Variants in ZNF407 observed in about 807,000 individuals in gnomAD.
ZNF407 encodes zinc finger protein 407.
A neutral mutation model predicts 131.2 loss-of-function variants in ZNF407; 17 were observed. The ratio of observed to expected loss-of-function variants is 0.13; its 90% confidence interval spans 0.09 to 0.19. The LOEUF (loss-of-function observed/expected upper bound fraction) is 0.19. Among genes scored for constraint, ZNF407 ranks in the 10% least tolerant of loss-of-function variants. ZNF407 has a pLI of 1.00. For missense variants in ZNF407, 2,681 were observed against 2,830.6 expected (o/e 0.95, Z 1.20); for synonymous variants, 1,156 against 1,062.0 (o/e 1.09, Z -1.72).
intron 3 of ZNF407, among the ~76,000 whole-genome samples, chr18:74,772,914 T>C (rs1165864461): frequency 6.6e-6 from 1 of 152,084 alleles, no homozygotes; most frequent in Non-Finnish European, 1.5e-5. Context: ...GAAGAAACAA[T>C]TGATGATGTA....
At chr18:74,917,909 A>T (rs1467548241) in intron 7 of ZNF407, among the ~76,000 whole-genome samples, 1 of 152,232 alleles carries the variant, frequency 6.6e-6, no homozygotes, top group South Asian at 2.1e-4. Flanking sequence ...GTACAGTAGT[A>T]GCTTTTTGTT....
At chr18:75,028,761 C>T (rs1599301591) in intron 8 of ZNF407, among the ~76,000 whole-genome samples, 1 of 152,140 alleles carries the variant, frequency 6.6e-6, no homozygotes, top group East Asian at 1.9e-4. Flanking sequence ...TCTGTGCCTT[C>T]GAGGGTGTAT....
chr18:75,060,253 A>G (rs1973610425), intron 8 of ZNF407: 1 of 152,224 alleles, frequency 6.6e-6, no homozygotes, highest in African/African-American at 2.4e-5. Flanking sequence ...TAATTAGGGA[A>G]TTTGTTAAGC....
chr18:74,931,850 G>C (rs1971986274), intron 8 of ZNF407, among the ~76,000 whole-genome samples: 1 of 152,150 alleles, frequency 6.6e-6, no homozygotes, highest in African/African-American at 2.4e-5. Flanking sequence ...CTTTGATGAA[G>C]TGTCTTTTGA....
chr18:75,030,834 A>C (rs1223021059), intron 8 of ZNF407, among the ~76,000 whole-genome samples: 1 of 151,948 alleles, frequency 6.6e-6, no homozygotes, highest in Non-Finnish European at 1.5e-5. Flanking sequence ...AGATTTTACC[A>C]CCCTCTCCAT....
intron 7 of ZNF407, among the ~76,000 whole-genome samples, chr18:74,903,715 CA>C (rs1971559524): frequency 6.6e-6 from 1 of 152,008 alleles, no homozygotes; most frequent in African/African-American, 2.4e-5. Context: ...TTCAGAGTGG[CA>C]AGATAAAAAT....
intron 4 of ZNF407, among the ~76,000 whole-genome samples, chr18:74,820,692 G>A (rs1970328306): frequency 6.6e-6 from 1 of 152,138 alleles, no homozygotes; most frequent in Non-Finnish European, 1.5e-5. Context: ...TAGGTTGCAG[G>A]GCTTGACCTG....
chr18:74,624,793 T>C (rs1227572923), intron 1 of ZNF407, among the ~76,000 whole-genome samples: 3 of 152,244 alleles, frequency 2.0e-5, no homozygotes, highest in Non-Finnish European at 4.4e-5. Context: ...GCCAGATCGC[T>C]GCCTTCTCCT....
rs930273499 is a variant in ZNF407, at chr18:74,631,233, G to A, written c.214G>A (p.Ala72Thr). ...TATAGGAGAAGACAGAAATAAACATGCTTCCAAACGCAGGAAATTAGATGA... is the reference window on the plus strand; with the variant it reads ...TATAGGAGAAGACAGAAATAAACATACTTCCAAACGCAGGAAATTAGATGA... ...VVIGEDRNKH[A>T]SKRRKLDEAE... The change falls in exon 2 of 9, where the codon GCT becomes ACT. Residue 72 changes from alanine to threonine, a missense_variant. Transcript: ENST00000299687. 6.2e-7 allele frequency: 1 copy of A among 1,613,914 alleles called. No homozygotes were observed.
At chr18:74,620,867 G>A (rs1438702217) in intron 1 of ZNF407, among the ~76,000 whole-genome samples, 2 of 152,170 alleles carry the variant, frequency 1.3e-5, no homozygotes, top group Non-Finnish European at 2.9e-5. Flanking sequence ...CTCTACGTGT[G>A]TGTACTGTGT....
At chr18:75,024,334 C>A (rs1045785516) in intron 8 of ZNF407, among the ~76,000 whole-genome samples, 8 of 152,090 alleles carry the variant, frequency 5.3e-5, no homozygotes, top group African/African-American at 1.7e-4. Flanking sequence ...TTGATTAATT[C>A]ATTATGTAAT....
chr18:74,653,010 T>C (rs185391632), intron 3 of ZNF407, among the ~76,000 whole-genome samples: 2 of 152,102 alleles, frequency 1.3e-5, no homozygotes, highest in Admixed American at 1.3e-4. Flanking sequence ...TTCTAGAGAT[T>C]TGAAATTTAT....
At chr18:74,773,058 C>T (rs1245116205) in intron 3 of ZNF407, among the ~76,000 whole-genome samples, 6 of 151,770 alleles carry the variant, frequency 4.0e-5, no homozygotes, top group African/African-American at 1.5e-4. Context: ...TCAATGCAGA[C>T]AAGAAAAAAT....
rs940838107 is a variant in ZNF407, at chr18:74,635,730, A to C, written c.4687+24A>C. 1.0e-5 allele frequency: 16 copies of C among 1,542,322 alleles called. No homozygotes were observed. The highest frequency in any genetic ancestry group is 1.3e-5 in the Non-Finnish European group (15 of 1,145,144). On this transcript the variant is annotated intron_variant, in intron 2 of 8. Transcript: ENST00000299687. The surrounding 1 kb of genome is among the most constrained non-coding windows in gnomAD (Gnocchi z 4.7). ...AGGTATGTAGCTCTGCAGCAAGCCAAGTCAGTGAGGACATGGGGCCATTTG... is the reference window on the plus strand; with the variant it reads ...AGGTATGTAGCTCTGCAGCAAGCCACGTCAGTGAGGACATGGGGCCATTTG...
intron 3 of ZNF407, among the ~76,000 whole-genome samples, chr18:74,663,564 G>A (rs1985805473): frequency 6.6e-6 from 1 of 152,154 alleles, no homozygotes; most frequent in Non-Finnish European, 1.5e-5. Context: ...TATTACGTGT[G>A]GGGAACTGGG....
chr18:74,612,278 CTG>C (rs1174026165), intron 1 of ZNF407, among the ~76,000 whole-genome samples: 1 of 151,780 alleles, frequency 6.6e-6, no homozygotes. Flanking sequence ...CGGTGGATAA[CTG>C]TATAAGAAGG....
intron 4 of ZNF407, among the ~76,000 whole-genome samples, chr18:74,852,006 C>G (rs1205522254): frequency 6.6e-6 from 1 of 152,146 alleles, no homozygotes; most frequent in Non-Finnish European, 1.5e-5. Context: ...AGCCGCATGG[C>G]AGTGGTTGGG....
intron 7 of ZNF407, among the ~76,000 whole-genome samples, chr18:74,907,679 G>A (rs538005773): frequency 3.9e-5 from 6 of 152,214 alleles, no homozygotes; most frequent in East Asian, 3.9e-4. Context: ...TTTACAACCC[G>A]TTTCTCTCTT....
At chr18:74,872,794 A>G (rs946185292) in intron 4 of ZNF407, among the ~76,000 whole-genome samples, 22 of 151,478 alleles carry the variant, frequency 1.5e-4, no homozygotes, top group South Asian at 8.4e-4. Flanking sequence ...AAGATATACT[A>G]GTGACTCCTC....
Sources: gnomAD v4.1 joint callset for allele counts (sites outside exome capture counted in the v4.1 genomes callset) on GRCh38, gnomAD v4.1.1 for gene constraint, Gnocchi (gnomAD v3.1) non-coding constraint, MANE v1.5 for transcripts, NCBI Gene and HGNC (gene_info 2026-07-23, HGNC 2026-07-21) for gene names.